GCM2: variants seen among roughly 807,000 people sequenced by gnomAD.
GCM2 encodes GCM transcription factor 2, also known as chorion-specific transcription factor GCMb.
In GCM2, 21 loss-of-function variants were observed where a neutral mutation model predicts 24.8. The observed-to-expected ratio is 0.85, with a 90% CI of 0.60 to 1.22. The LOEUF (loss-of-function observed/expected upper bound fraction) is 1.22, where lower values mean the gene tolerates loss of function less well. Among genes scored for constraint, GCM2 ranks in the 50% most tolerant of loss-of-function variants. The pLI is 0.00. For synonymous variants in GCM2, 222 were observed against 238.0 expected, an observed-to-expected ratio of 0.93 and a Z score of 0.62; for missense variants, 532 against 645.6, an observed-to-expected ratio of 0.82 and a Z score of 1.91.
intron 1 of GCM2, among the ~76,000 whole-genome samples, chr6:10,878,676 G>A (rs9379885): frequency 0.16 from 24,036 of 152,192 alleles, 2,372 homozygotes; most frequent in Middle Eastern, 0.29. Context: ...GTGCAGAATT[G>A]AATATTTGGA....
chr6:10,874,952 C>T lies in GCM2; in HGVS notation c.583-19G>A. 1 of 1,525,272 alleles carries T rather than the reference C, an allele frequency of 6.6e-7. No homozygotes were observed. Among genetic ancestry groups the T allele is most frequent in the Non-Finnish European group, 9.1e-7 (1 of 1,099,152 alleles). 94.5% of individuals were successfully genotyped at this position (1,525,272 alleles called of 1,614,324 possible). A position where few individuals can be genotyped will look rare whatever the true frequency, so the allele number is the denominator to read the frequency against. ...CTTCTGCCTAGAAAAATGATACAAA[C>T]ATAGACACACGCTATGTAAATCGTG... On this transcript the variant is annotated intron_variant, in intron 4 of 4. Transcript: ENST00000379491.
intron 3 of GCM2, 122 bp downstream of exon 3, chr6:10,876,323 A>C (rs1779876607): frequency 4.0e-6 from 3 of 755,960 alleles, no homozygotes; most frequent in Admixed American, 4.0e-5. Flanking sequence ...TCCAGCACCT[A>C]TTTCTGGCCA....
chr6:10,873,957 C>CT lies in GCM2; in HGVS notation c.*37dup. 6.8e-7 allele frequency: 1 copy of CT among 1,473,316 alleles called. No individual in the cohort carries two copies. Among genetic ancestry groups the CT allele is most frequent in the South Asian group, 1.1e-5 (1 of 88,292 alleles). The allele number at this position is 1,473,316 out of a possible 1,614,324, so 91.3% of individuals were successfully genotyped here. A position where few individuals can be genotyped will look rare whatever the true frequency, so the allele number is the denominator to read the frequency against. On this transcript the variant is annotated 3_prime_UTR_variant, in exon 5 of 5. Transcript: ENST00000379491. ...CATTTCACATTTCCCTGCCTCCTGC[C>CT]TGCATGCACACTGCTATTATGTCCC...
chr6:10,877,233 C>G lies in GCM2; in HGVS notation c.250G>C (p.Val84Leu). 3.7e-6 allele frequency: 6 copies of G among 1,614,220 alleles called. No individual in the cohort carries two copies. The highest frequency in any genetic ancestry group is 5.1e-6 in the Non-Finnish European group (6 of 1,180,048). Residue 84 changes from valine (V) to leucine (L), a missense_variant, in exon 2 of 5, where the codon GTG becomes CTG. Val to Leu is a conservative substitution (Grantham distance 32, BLOSUM62 1). Around this residue, in one of 3 missense-constraint regions of GCM2, gnomAD observed 2 missense variants for 20.2 expected, o/e 0.10. Coordinates refer to ENST00000379491, the MANE Select transcript of GCM2 (RefSeq NM_004752.4). Reference sequence around the variant, plus strand: ...GTGCAGGCCTGTGTACACACCACCACACCCAGGCACGACTTCTTGAGGATG... The same window carrying G: ...GTGCAGGCCTGTGTACACACCACCAGACCCAGGCACGACTTCTTGAGGATG... ...GHILKKSCLG[V>L]VVCTQACTLP...
At position 10,877,326 on chromosome 6, in the gene GCM2, C is replaced by G. The variant is rs11963186; in HGVS notation, c.157G>C (p.Asp53His). 6.2e-7 allele frequency: 1 copy of G among 1,614,038 alleles called. No homozygotes were observed. The highest frequency in any genetic ancestry group is 8.5e-7 in the Non-Finnish European group (1 of 1,180,004). ...DGYVRFIYSS[D>H]EKKAQRHLSG... ...AGGTGACGCTGTGCCTTCTTCTCAT[C>G]GCTGCTGTAGATGAAGCGCACATAG... Residue 53 changes from aspartate to histidine, a missense_variant, in exon 2 of 5, where the codon GAT becomes CAT. Physicochemically the swap from Asp to His is moderately conservative, Grantham distance 81. Coordinates refer to ENST00000379491, the MANE Select transcript of GCM2 (RefSeq NM_004752.4).
At position 10,881,881 on chromosome 6, in the gene GCM2, CT is replaced by C; in HGVS notation, c.-89del. On this transcript the variant is annotated 5_prime_UTR_variant, in exon 1 of 5. Transcript: ENST00000379491. ...GCGCCAGGTGGGTTTTTTTTCTTCT[CT>C]TTAAAGAAGAAAGTGGGGTGTGTGA... is the stretch of plus-strand genomic sequence containing the variant. 1 of 1,036,592 alleles carries C rather than the reference CT, an allele frequency of 9.6e-7. No individual in the cohort carries two copies. Among genetic ancestry groups the C allele is most frequent in the Non-Finnish European group, 1.5e-6 (1 of 683,210 alleles). 64.2% of individuals were successfully genotyped at this position (1,036,592 alleles called of 1,614,324 possible).
In GCM2 at chr6:10,877,268, T is replaced by C; in HGVS notation, c.215A>G (p.His72Arg). 1 of 1,614,172 alleles carries C rather than the reference T, an allele frequency of 6.2e-7. No individual in the cohort carries two copies. Among genetic ancestry groups the C allele is most frequent in the South Asian group, 1.1e-5 (1 of 91,082 alleles). The change falls in exon 2 of 5, where the codon CAC becomes CGC. Residue 72 changes from histidine (H) to arginine (R), a missense_variant. By Grantham distance (29) the His-to-Arg change is conservative (BLOSUM62 0). This residue lies in a region of GCM2 where 96 missense variants were observed against 103.5 expected (regional missense o/e 0.93). Transcript: ENST00000379491. ...SGWAMRNTNN[H>R]NGHILKKSCL... is the part of the protein sequence containing the mutation. ...CGACTTCTTGAGGATGTGGCCATTGTGGTTGTTGGTGTTGCGCATGGCCCA... is the reference window on the plus strand; with the variant it reads ...CGACTTCTTGAGGATGTGGCCATTGCGGTTGTTGGTGTTGCGCATGGCCCA...
chr6:10,877,392 C>G lies in GCM2; in HGVS notation c.91G>C (p.Glu31Gln), dbSNP rs966282303. The G allele has an allele frequency of 6.2e-7, 1 of 1,614,174 alleles. No homozygotes were observed. Among genetic ancestry groups the G allele is most frequent in the Non-Finnish European group, 8.5e-7 (1 of 1,180,026 alleles). ...CGGAATTGGTCAAAGAGGGCCAGCT[C>G]CTGGAAGAGTGCAGAAGGAAGGGTG... ...WDINDPQMPQ[E>Q]LALFDQFREW... Residue 31 changes from glutamate (E) to glutamine (Q), a missense_variant and splice_region_variant, in exon 2 of 5, where the codon GAG (glutamate) becomes CAG (glutamine). This residue lies in a region of GCM2 where 96 missense variants were observed against 103.5 expected (regional missense o/e 0.93). Coordinates refer to ENST00000379491, the MANE Select transcript of GCM2 (RefSeq NM_004752.4).
chr6:10,874,179 G>A lies in GCM2; in HGVS notation c.1337C>T (p.Pro446Leu). ...GCAATCTCCTGCAATTTTCATAGGAGGTGGCCCTGAAGGAGAGGCTGCCCT... is the reference window on the plus strand; with the variant it reads ...GCAATCTCCTGCAATTTTCATAGGAAGTGGCCCTGAAGGAGAGGCTGCCCT... ...VTRAASPSGP[P>L]PMKIAGDCRA... is the part of the protein sequence containing the mutation. The change falls in exon 5 of 5, where the codon CCT becomes CTT. Residue 446 changes from proline to leucine, a missense_variant. By Grantham distance (98) the Pro-to-Leu change is moderately conservative (BLOSUM62 -3). Around this residue, in one of 3 missense-constraint regions of GCM2, gnomAD observed 434 missense variants for 521.9 expected, o/e 0.83. Transcript: ENST00000379491. 4.3e-6 allele frequency: 7 copies of A among 1,614,228 alleles called. No individual in the cohort carries two copies. Among genetic ancestry groups the A allele is most frequent in the Non-Finnish European group, 5.9e-6 (7 of 1,180,028 alleles).
At position 10,873,927 on chromosome 6, in the gene GCM2, A is replaced by C; in HGVS notation, c.*68T>G. On this transcript the variant is annotated 3_prime_UTR_variant, in exon 5 of 5. Coordinates refer to ENST00000379491, the MANE Select transcript of GCM2 (RefSeq NM_004752.4). ...GAATCTCCCAACTCAATAAGAGATC[A>C]TTGCCATTTCACATTTCCCTGCCTC... The C allele has an allele frequency of 7.6e-6, 9 of 1,186,676 alleles. No individual in the cohort carries two copies. Among genetic ancestry groups the C allele is most frequent in the Non-Finnish European group, 1.1e-5 (9 of 796,730 alleles). 73.5% of individuals were successfully genotyped at this position (1,186,676 alleles called of 1,614,324 possible). A position where few individuals can be genotyped will look rare whatever the true frequency, so the allele number is the denominator to read the frequency against.
intron 4 of GCM2, 62 bp from the exon 5 acceptor site, chr6:10,874,995 A>G (rs1438402265): frequency 1.4e-5 from 16 of 1,144,134 alleles, no homozygotes; most frequent in Non-Finnish European, 2.0e-5. Flanking sequence ...CCTCACCTGT[A>G]ACAATAGCCT....
chr6:10,877,039 A>T (rs1178197649), intron 2 of GCM2, 101 bp downstream of exon 2: 1 of 1,446,038 alleles, frequency 6.9e-7, no homozygotes, highest in Admixed American at 1.7e-5. Context: ...GTCCAGCCTG[A>T]GTGACAGAGT....
At chr6:10,876,072 G>A in intron 3 of GCM2, 56 bp from the exon 4 acceptor site, 1 of 1,596,864 alleles carries the variant, frequency 6.3e-7, no homozygotes, top group Non-Finnish European at 8.6e-7. Context: ...AGCTGACAAT[G>A]TTGCCCAAAA....
rs1779841745 is a variant in GCM2 at position 10,874,185 on chromosome 6, C to T, written c.1331G>A (p.Gly444Glu). Residue 444 changes from glycine to glutamate, a missense_variant, in exon 5 of 5, where the codon GGG becomes GAG. Gly to Glu is a moderately conservative substitution (Grantham distance 98, BLOSUM62 -2). Coordinates refer to ENST00000379491, the MANE Select transcript of GCM2 (RefSeq NM_004752.4). ...TCCTGCAATTTTCATAGGAGGTGGC[C>T]CTGAAGGAGAGGCTGCCCTGGTGAC... Reference protein sequence around the residue: ...VTVTRAASPSGPPPMKIAGDC... With the variant: ...VTVTRAASPSEPPPMKIAGDC... 4 of 1,614,012 alleles carry T rather than the reference C, an allele frequency of 2.5e-6. No individual in the cohort carries two copies. In the African/African-American group the frequency reaches 4.0e-5, roughly 16 times the overall value.
rs1351992250 is a variant in GCM2 at position 10,877,301 on chromosome 6, A to T, written c.182T>A (p.Leu61Gln). Residue 61 changes from leucine to glutamine, a missense_variant, in exon 2 of 5, where the codon CTG becomes CAG. This residue lies in a region of GCM2 where 96 missense variants were observed against 103.5 expected (regional missense o/e 0.93). Coordinates refer to ENST00000379491, the MANE Select transcript of GCM2 (RefSeq NM_004752.4). The stretch of plus-strand genomic sequence containing the variant: ...GGTGTTGCGCATGGCCCAGCCGCTC[A>T]GGTGACGCTGTGCCTTCTTCTCATC... ...SSDEKKAQRH[L>Q]SGWAMRNTNN... 2 of 1,614,238 alleles carry T rather than the reference A, an allele frequency of 1.2e-6. No homozygotes were observed. Among genetic ancestry groups the T allele is most frequent in the Non-Finnish European group, 1.7e-6 (2 of 1,180,046 alleles).
intron 1 of GCM2, among the ~76,000 whole-genome samples, 164 bp from the exon 2 acceptor site, chr6:10,877,556 C>G (rs1779902245): frequency 1.3e-5 from 2 of 152,216 alleles, no homozygotes; most frequent in Admixed American, 1.3e-4. Context: ...TTCCTGACAA[C>G]CAGGTAATAA....
rs1335540978 is a variant in GCM2, at chr6:10,880,169, C to T, written c.90+1535G>A. On this transcript the variant is annotated intron_variant, in intron 1 of 4. Coordinates refer to ENST00000379491, the MANE Select transcript of GCM2 (RefSeq NM_004752.4). ...ACTCGGGAAGCTGAGGCAAGAGAAT[C>T]GCTGGAGCCTGGGGGATGGAGGTTG... Among the ~76,000 whole-genome samples the T allele has an allele frequency of 5.3e-5, 8 of 152,076 alleles. No individual in the cohort carries two copies. The East Asian group carries it at 5.8e-4, about 11-fold the overall frequency.
At position 10,881,867 on chromosome 6, in the gene GCM2, G is replaced by A. The variant is rs2153156; in HGVS notation, c.-74C>T. On this transcript the variant is annotated 5_prime_UTR_variant, in exon 1 of 5. Coordinates refer to ENST00000379491, the MANE Select transcript of GCM2 (RefSeq NM_004752.4). The stretch of plus-strand genomic sequence containing the variant: ...AAAAAAGGACAGGTGCGCCAGGTGG[G>A]TTTTTTTTCTTCTCTTTAAAGAAGA... 1,208,242 of 1,212,760 alleles carry A rather than the reference G, an allele frequency of 1. 601,973 individuals are homozygous for A. Among genetic ancestry groups the A allele is most frequent in the East Asian group, 1 (42,218 of 42,218 alleles). The allele number at this position is 1,212,760 out of a possible 1,614,324, so 75.1% of individuals were successfully genotyped here.
In GCM2 at chr6:10,876,515, G is replaced by C. The variant is rs761079176; in HGVS notation, c.386C>G (p.Pro129Arg). ...GGGGTATCCGCTGTGCCCTCGACAA[G>C]GAATCAACTCCAAAGCAGAATGACA... ...PNCHSALELI[P>R]CRGHSGYPVT... Residue 129 changes from proline (P) to arginine (R), a missense_variant, in exon 3 of 5, where the codon CCT becomes CGT. Pro to Arg is a moderately radical substitution (Grantham distance 103). Around this residue, in one of 3 missense-constraint regions of GCM2, gnomAD observed 434 missense variants for 521.9 expected, o/e 0.83. Coordinates refer to ENST00000379491, the MANE Select transcript of GCM2 (RefSeq NM_004752.4). The C allele has an allele frequency of 2.3e-5, 37 of 1,613,896 alleles. No homozygotes were observed. Among genetic ancestry groups the C allele is most frequent in the Non-Finnish European group, 3.1e-5 (36 of 1,179,902 alleles).
Sources: allele counts gnomAD v4.1 joint callset (sites outside exome capture counted in the v4.1 genomes callset), GRCh38; gene constraint gnomAD v4.1.1; regional missense constraint gnomAD v4.1.1; transcripts MANE v1.5; gene names NCBI Gene and HGNC (gene_info 2026-07-23, HGNC 2026-07-21).